Variants in CACNA2D3 observed in about 807,000 individuals in gnomAD.
CACNA2D3 encodes the protein voltage-dependent calcium channel subunit alpha-2/delta-3.
In CACNA2D3, 60 loss-of-function variants were observed where a neutral mutation model predicts 160.6. The observed-to-expected ratio is 0.37, with a 90% CI of 0.30 to 0.46. The LOEUF (loss-of-function observed/expected upper bound fraction) is 0.46. Ranked by LOEUF, CACNA2D3 falls within the 20% of genes least tolerant of loss-of-function variation. CACNA2D3 has a pLI of 1.00. For missense variants in CACNA2D3, 1,205 were observed against 1,365.0 expected, an observed-to-expected ratio of 0.88 and a Z score of 1.85; for synonymous variants, 558 against 492.9, an observed-to-expected ratio of 1.13 and a Z score of -1.75.
At position 54,954,514 on chromosome 3, in the gene CACNA2D3, T is replaced by C. The variant is rs896481133; in HGVS notation, c.2450-13936T>C. ...CTGCCCAGACATCAGGGTGCATATC[T>C]TTCTGTCGGGGTCTACCAGCCCTTC... On this transcript the variant is annotated intron_variant, in intron 27 of 37. Coordinates refer to ENST00000474759, the MANE Select transcript of CACNA2D3 (RefSeq NM_018398.3). Among the ~76,000 whole-genome samples the C allele has an allele frequency of 2.0e-5, 3 of 152,350 alleles. 1 individual carries two copies.
intron 3 of CACNA2D3, among the ~76,000 whole-genome samples, chr3:54,372,757 C>T (rs1698947717): frequency 6.6e-6 from 1 of 152,100 alleles, no homozygotes; most frequent in Non-Finnish European, 1.5e-5. Context: ...AATTCAAACC[C>T]TGTGTGTAAT....
At position 54,348,425 on chromosome 3, in the gene CACNA2D3, G is replaced by A. The variant is rs114613956; in HGVS notation, c.321+27867G>A. Among the ~76,000 whole-genome samples, 889 of 152,258 alleles carry A rather than the reference G, an allele frequency of 5.8e-3. 5 individuals carry two copies. Among genetic ancestry groups the A allele is most frequent in the South Asian group, 0.021 (99 of 4,812 alleles). The stretch of plus-strand genomic sequence containing the variant: ...AGAGTCTCCATACTCAAGTCAAAAT[G>A]GGTAATTTTCTTATAATTTTATTGC... On this transcript the variant is annotated intron_variant, in intron 3 of 37. Transcript: ENST00000474759.
intron 2 of CACNA2D3, among the ~76,000 whole-genome samples, chr3:54,168,170 C>A (rs191446857): frequency 6.6e-6 from 1 of 152,244 alleles, no homozygotes; most frequent in East Asian, 1.9e-4. Flanking sequence ...AAGAAGAGAT[C>A]TTGAGAAGAG....
chr3:55,005,888 CACTT>C (rs2107140007), intron 32 of CACNA2D3, among the ~76,000 whole-genome samples: 1 of 152,242 alleles, frequency 6.6e-6, no homozygotes, highest in East Asian at 1.9e-4. Context: ...TGAAACACAA[CACTT>C]AAAAGCCATT....
Position 54,549,816 on chromosome 3 carries a change from A to G in CACNA2D3, c.545-12984A>G, listed in dbSNP as rs143081233. ...GGGGCTGTGTTTATATTAAATATCAATAAAAAGCTGATAGCATCAGCCCAG... is the reference window on the plus strand; with the variant it reads ...GGGGCTGTGTTTATATTAAATATCAGTAAAAAGCTGATAGCATCAGCCCAG... On this transcript the variant is annotated intron_variant, in intron 5 of 37. Coordinates refer to ENST00000474759, the MANE Select transcript of CACNA2D3 (RefSeq NM_018398.3). Among the ~76,000 whole-genome samples the G allele has an allele frequency of 7.2e-5, 11 of 152,328 alleles. No homozygotes were observed. The East Asian group carries it at 2.1e-3, about 29-fold the overall frequency.
chr3:54,249,653 C>G (rs988607571), intron 2 of CACNA2D3, among the ~76,000 whole-genome samples: 1 of 132,506 alleles, frequency 7.5e-6, no homozygotes, highest in African/African-American at 3.3e-5. Context: ...ACAAATCTCT[C>G]TGTTTACGTA....
chr3:54,529,326 G>C (rs1701771834), intron 5 of CACNA2D3, among the ~76,000 whole-genome samples: 2 of 152,156 alleles, frequency 1.3e-5, no homozygotes, highest in Non-Finnish European at 2.9e-5. Context: ...TAGAGGCAAG[G>C]GTGCCAGTCT....
chr3:54,764,152 T>G, intron 12 of CACNA2D3, 66 bp from the exon 13 acceptor site: 1 of 1,565,296 alleles, frequency 6.4e-7, no homozygotes. Flanking sequence ...GCATGGCATA[T>G]GCATATTCCC....
At chr3:54,610,457 C>T (rs899128267) in intron 9 of CACNA2D3, among the ~76,000 whole-genome samples, 20 of 150,738 alleles carry the variant, frequency 1.3e-4, no homozygotes, top group African/African-American at 4.1e-4. Flanking sequence ...TTTTTAAGTC[C>T]GTTTCAATGC....
At chr3:54,776,331 G>C (rs1184895373) in intron 13 of CACNA2D3, among the ~76,000 whole-genome samples, 3 of 152,068 alleles carry the variant, frequency 2.0e-5, no homozygotes, top group Non-Finnish European at 4.4e-5. Flanking sequence ...AACATAGTGA[G>C]ACCCCCTGTC....
intron 11 of CACNA2D3, among the ~76,000 whole-genome samples, chr3:54,712,266 G>A (rs538381737): frequency 1.3e-5 from 2 of 152,334 alleles, no homozygotes; most frequent in African/African-American, 4.8e-5. Context: ...CTTGGAGTCA[G>A]AGATCAGATG....
intron 13 of CACNA2D3, among the ~76,000 whole-genome samples, chr3:54,791,359 C>CAGAAT (rs1559583020): frequency 6.6e-6 from 1 of 152,172 alleles, no homozygotes; most frequent in Non-Finnish European, 1.5e-5. Context: ...CAGATGTATT[C>CAGAAT]AGAGCAGATG....
At chr3:54,369,626 G>T (rs1698888214) in intron 3 of CACNA2D3, among the ~76,000 whole-genome samples, 1 of 152,110 alleles carries the variant, frequency 6.6e-6, no homozygotes, top group South Asian at 2.1e-4. Context: ...TTTATTTGCT[G>T]CCCAGACAGG....
chr3:54,734,010 T>C (rs909981642), intron 11 of CACNA2D3, among the ~76,000 whole-genome samples: 12 of 152,110 alleles, frequency 7.9e-5, no homozygotes, highest in Non-Finnish European at 1.3e-4. Flanking sequence ...AGTTTGACTT[T>C]GGATGCTATG....
intron 13 of CACNA2D3, among the ~76,000 whole-genome samples, chr3:54,804,502 T>C (rs1703069692): frequency 1.3e-5 from 2 of 152,198 alleles, no homozygotes; most frequent in Non-Finnish European, 2.9e-5. Context: ...AAGAGCTAAC[T>C]ATCCTAAATA....
intron 2 of CACNA2D3, among the ~76,000 whole-genome samples, chr3:54,157,098 G>A (rs1418594062): frequency 6.6e-6 from 1 of 152,140 alleles, no homozygotes; most frequent in African/African-American, 2.4e-5. Flanking sequence ...CTCAGGATTG[G>A]TTTCTGGTGA....
At chr3:54,375,154 G>A (rs1277086419) in intron 3 of CACNA2D3, among the ~76,000 whole-genome samples, 1 of 152,156 alleles carries the variant, frequency 6.6e-6, no homozygotes, top group African/African-American at 2.4e-5. Context: ...TACCCCGTAA[G>A]CCTGGTCTAG....
chr3:54,621,745 C>T (rs1431389462), intron 9 of CACNA2D3, among the ~76,000 whole-genome samples: 1 of 152,168 alleles, frequency 6.6e-6, no homozygotes, highest in Non-Finnish European at 1.5e-5. Flanking sequence ...TGTCTCTATC[C>T]ATTTGAGAAA....
chr3:54,129,542 C>G (rs1699664229), intron 2 of CACNA2D3, among the ~76,000 whole-genome samples: 1 of 152,168 alleles, frequency 6.6e-6, no homozygotes, highest in Non-Finnish European at 1.5e-5. Flanking sequence ...CATTTCAAGG[C>G]CATATTGGAA....
Sources: allele counts gnomAD v4.1 joint callset (sites outside exome capture counted in the v4.1 genomes callset), GRCh38; gene constraint gnomAD v4.1.1; transcripts MANE v1.5; gene names NCBI Gene and HGNC (gene_info 2026-07-23, HGNC 2026-07-21).